Variants in PRICKLE1 observed in about 807,000 individuals in gnomAD.
PRICKLE1 encodes prickle-like protein 1.
In PRICKLE1, 14 loss-of-function variants were observed where a neutral mutation model predicts 70.2. That is an observed-to-expected ratio of 0.20 (90% confidence interval 0.13 to 0.31). The LOEUF (loss-of-function observed/expected upper bound fraction) is 0.31, where lower values mean the gene tolerates loss of function less well. Among genes scored for constraint, PRICKLE1 ranks in the 10% least tolerant of loss-of-function variants. The pLI, the probability that PRICKLE1 is intolerant of heterozygous loss-of-function variation, is 1.00. For synonymous variants in PRICKLE1, 357 were observed against 379.9 expected (o/e 0.94, Z 0.70); for missense variants, 821 against 1,026.2 (o/e 0.80, Z 2.73).
intron 1 of PRICKLE1, among the ~76,000 whole-genome samples, chr12:42,530,859 C>A (rs111368411): frequency 1.3e-3 from 195 of 148,786 alleles, no homozygotes; most frequent in Non-Finnish European, 2.4e-3. Flanking sequence ...CATGGTGAAA[C>A]CCTGTTTCAC....
intron 1 of PRICKLE1, among the ~76,000 whole-genome samples, chr12:42,538,750 A>G (rs550571378): frequency 4.7e-4 from 71 of 152,320 alleles, no homozygotes; most frequent in African/African-American, 1.5e-3. Context: ...TCACATCCCT[A>G]ATTAGGGACC....
chr12:42,471,062 C>T (rs1469821687), intron 2 of PRICKLE1, among the ~76,000 whole-genome samples: 2 of 152,128 alleles, frequency 1.3e-5, no homozygotes, highest in Non-Finnish European at 2.9e-5. Context: ...ATTTAATTTG[C>T]TCTCTGAATT....
chr12:42,485,554 C>T lies in PRICKLE1; in HGVS notation c.-48-12990G>A, dbSNP rs138982770. On this transcript the variant is annotated intron_variant, in intron 1 of 7. Coordinates refer to ENST00000345127, the MANE Select transcript of PRICKLE1 (RefSeq NM_153026.3). ...GTCAGATTTCCTTTTTCCTACTTCA[C>T]TCTGTTTGGGCTTCCTCAGGGAAGA... 4 of 152,244 alleles carry T rather than the reference C, an allele frequency of 2.6e-5. No homozygotes were observed. The East Asian group carries it at 7.7e-4, about 29-fold the overall frequency. 9.4% of individuals were successfully genotyped at this position (152,244 alleles called of 1,614,324 possible).
At chr12:42,477,460 A>G (rs1248187649) in intron 1 of PRICKLE1, among the ~76,000 whole-genome samples, 1 of 101,698 alleles carries the variant, frequency 9.8e-6, no homozygotes, top group African/African-American at 2.9e-5. Context: ...GTATATACGT[A>G]TATATGTGTG....
intron 1 of PRICKLE1, among the ~76,000 whole-genome samples, chr12:42,559,636 T>TTGGG (rs769414237): frequency 3.4e-5 from 3 of 88,142 alleles, no homozygotes; most frequent in African/African-American, 8.4e-5. Context: ...TTTTTTTTTT[T>TTGGG]GGGGGGGGTA....
At chr12:42,470,712 C>T (rs2053946) in intron 2 of PRICKLE1, among the ~76,000 whole-genome samples, 1 of 151,884 alleles carries the variant, frequency 6.6e-6, no homozygotes, top group South Asian at 2.1e-4. Context: ...TCGAGACCAG[C>T]CTGACCAACA....
At chr12:42,583,148 C>CGTGTGTGT (rs68143024) in intron 1 of PRICKLE1, among the ~76,000 whole-genome samples, 2 of 148,236 alleles carry the variant, frequency 1.3e-5, no homozygotes, top group Non-Finnish European at 3.0e-5. Flanking sequence ...TAGATTGAAA[C>CGTGTGTGT]GTGTGTGTGT....
chr12:42,488,526 CTT>C (rs1209976904), intron 1 of PRICKLE1, among the ~76,000 whole-genome samples: 3 of 152,166 alleles, frequency 2.0e-5, no homozygotes, highest in African/African-American at 7.2e-5. Context: ...GAATAAAAAA[CTT>C]TAGGTTCTGA....
chr12:42,536,794 TCCA>T (rs1355957049), intron 1 of PRICKLE1, among the ~76,000 whole-genome samples: 1 of 152,162 alleles, frequency 6.6e-6, no homozygotes, highest in African/African-American at 2.4e-5. Flanking sequence ...ATCCCTCTTG[TCCA>T]CCCTTTCATC....
intron 1 of PRICKLE1, among the ~76,000 whole-genome samples, chr12:42,549,412 A>G (rs1231602639): frequency 1.3e-5 from 2 of 152,174 alleles, no homozygotes; most frequent in Non-Finnish European, 2.9e-5. Context: ...TTATCTTGAC[A>G]TAGTTTCAGG....
chr12:42,462,039 C>T (rs1354032388), intron 7 of PRICKLE1, among the ~76,000 whole-genome samples: 1 of 152,088 alleles, frequency 6.6e-6, no homozygotes, highest in Admixed American at 6.5e-5. Context: ...ACCTCGTGAT[C>T]TGCCCGCCTC....
chr12:42,524,535 C>T (rs913373487), intron 1 of PRICKLE1, among the ~76,000 whole-genome samples: 2 of 152,264 alleles, frequency 1.3e-5, no homozygotes, highest in African/African-American at 2.4e-5. Context: ...TGCCAGCCTC[C>T]TGAGTAGCTG....
intron 1 of PRICKLE1, among the ~76,000 whole-genome samples, chr12:42,563,563 C>T (rs1259317146): frequency 6.6e-6 from 1 of 151,190 alleles, no homozygotes; most frequent in Admixed American, 6.6e-5. Context: ...ATTAGCCAGG[C>T]GTGGTGATGG....
At chr12:42,548,494 C>T (rs369513363) in intron 1 of PRICKLE1, among the ~76,000 whole-genome samples, 100 of 152,300 alleles carry the variant, frequency 6.6e-4, no homozygotes, top group Non-Finnish European at 1.1e-3. Context: ...AGAAGACACC[C>T]ATCTAGAAGG....
chr12:42,459,710 C>T lies in PRICKLE1; in HGVS notation c.*99G>A, dbSNP rs1937721574. The T allele has an allele frequency of 1.4e-6, 2 of 1,379,910 alleles. No individual in the cohort carries two copies. Among genetic ancestry groups the T allele is most frequent in the Non-Finnish European group, 2.0e-6 (2 of 975,792 alleles). 85.5% of individuals were successfully genotyped at this position (1,379,910 alleles called of 1,614,324 possible). ...TTCTCATTTACATGGGCAAAGAAAG[C>T]ACTTTAAACTATTTTCACAACTTTC... is the stretch of plus-strand genomic sequence containing the variant. On this transcript the variant is annotated 3_prime_UTR_variant, in exon 8 of 8. Coordinates refer to ENST00000345127, the MANE Select transcript of PRICKLE1 (RefSeq NM_153026.3).
In PRICKLE1 at chr12:42,542,661, A is replaced by G. The variant is rs12229432; in HGVS notation, c.-49+46804T>C. Among the ~76,000 whole-genome samples, 48 of 152,282 alleles carry G rather than the reference A, an allele frequency of 3.2e-4. 1 individual carries two copies. The East Asian group carries it at 8.7e-3, about 28-fold the overall frequency. ...GCAAGACTCTGTCTCAAAAATAATA[A>G]TAATAATTTGTTTTGCCTTTGTTGT... On this transcript the variant is annotated intron_variant, in intron 1 of 7. Transcript: ENST00000345127.
intron 1 of PRICKLE1, among the ~76,000 whole-genome samples, chr12:42,556,430 C>G (rs927137952): frequency 6.6e-6 from 1 of 152,288 alleles, no homozygotes; most frequent in South Asian, 2.1e-4. Context: ...TTCATTTAAT[C>G]ATAGAATCCC....
intron 1 of PRICKLE1, among the ~76,000 whole-genome samples, chr12:42,522,309 C>T (rs145312244): frequency 4.1e-4 from 62 of 152,104 alleles, no homozygotes; most frequent in African/African-American, 1.4e-3. Flanking sequence ...ATCTACGTTA[C>T]CCACACTCGT....
intron 5 of PRICKLE1, 25 bp downstream of exon 5, chr12:42,468,601 T>C: frequency 6.2e-7 from 1 of 1,606,710 alleles, no homozygotes; most frequent in Middle Eastern, 1.9e-4. Flanking sequence ...TTTTTCCCAG[T>C]GTGAAAGGAT....
Sources: gnomAD v4.1 joint callset for allele counts (sites outside exome capture counted in the v4.1 genomes callset) on GRCh38, gnomAD v4.1.1 for gene constraint, MANE v1.5 for transcripts, NCBI Gene and HGNC (gene_info 2026-07-23, HGNC 2026-07-21) for gene names.